CAB39L: variants seen among roughly 807,000 people sequenced by gnomAD.
CAB39L encodes calcium binding protein 39 like.
In CAB39L, 23 loss-of-function variants were observed where a neutral mutation model predicts 39.1. The ratio of observed to expected loss-of-function variants is 0.59; its 90% CI spans 0.42 to 0.83. The LOEUF is 0.83. Among genes scored for constraint, CAB39L ranks in the 40% least tolerant of loss-of-function variants. The probability of loss-of-function intolerance (pLI) is 0.00; values close to 1 mark genes in which losing one functional copy is unlikely to be tolerated. For missense variants in CAB39L, 366 were observed against 391.9 expected (o/e 0.93, Z 0.56); for synonymous variants, 126 against 137.2 (o/e 0.92, Z 0.57).
intron 6 of CAB39L, among the ~76,000 whole-genome samples, chr13:49,355,381 C>A (rs897009957): frequency 2.6e-5 from 4 of 151,812 alleles, no homozygotes; most frequent in Admixed American, 2.6e-4. Flanking sequence ...GACCCTGTCT[C>A]GATAAATAAA....
rs1172454397 is a variant in CAB39L, at chr13:49,379,707, A to T, written c.112-2576T>A. 6.1e-4 allele frequency among the ~76,000 whole-genome samples: 19 copies of T among 30,926 alleles called. 6 individuals are homozygous for T. Among genetic ancestry groups the T allele is most frequent in the South Asian group, 2.9e-3 (3 of 1,034 alleles). 20.3% of individuals were successfully genotyped at this position (30,926 alleles called of 152,430 possible). ...GAATTATCAATAAAAAAATAAATTT[A>T]AAAAAAAAAAAAAACAAAAAAACAA... On this transcript the variant is annotated intron_variant, in intron 4 of 10. Transcript: ENST00000409308.
Position 49,382,808 on chromosome 13 carries a change from T to C in CAB39L, c.103A>G (p.Thr35Ala). ...ACTGTTTTAGCTCTTACCTTGTCTGTCTTTTTGTCTTGCTTTTCCAAAATG... is the reference window on the plus strand; with the variant it reads ...ACTGTTTTAGCTCTTACCTTGTCTGCCTTTTTGTCTTGCTTTTCCAAAATG... ...LAILEKQDKK[T>A]DKASEEVSKS... Residue 35 changes from threonine (T) to alanine (A), a missense_variant, in exon 4 of 11, where the codon ACA (threonine) becomes GCA (alanine). Transcript: ENST00000409308. 3.1e-6 allele frequency: 5 copies of C among 1,596,604 alleles called. No homozygotes were observed. In the South Asian group the frequency reaches 4.4e-5, roughly 14 times the overall value.
intron 5 of CAB39L, among the ~76,000 whole-genome samples, chr13:49,361,542 AAG>A (rs1162336030): frequency 2.3e-5 from 3 of 128,398 alleles, no homozygotes; most frequent in Admixed American, 8.7e-5. Context: ...GACAGAAAAA[AAG>A]AGAGAGAAAG....
chr13:49,360,055 G>C (rs1169234313), intron 5 of CAB39L, among the ~76,000 whole-genome samples: 6 of 152,082 alleles, frequency 3.9e-5, no homozygotes, highest in African/African-American at 1.4e-4. Context: ...ATGTGTGCTG[G>C]GGGAAATTTG....
intron 1 of CAB39L, among the ~76,000 whole-genome samples, chr13:49,437,093 A>ATT (rs1415519374): frequency 6.6e-6 from 1 of 152,008 alleles, no homozygotes; most frequent in Admixed American, 6.6e-5. Flanking sequence ...TTTGACTATC[A>ATT]TTTTGTTTTC....
rs1446882398 is a variant in CAB39L, at chr13:49,377,988, A to G, written c.112-857T>C. Among the ~76,000 whole-genome samples, 3 of 75,748 alleles carry G rather than the reference A, an allele frequency of 4.0e-5. No individual in the cohort carries two copies. In the East Asian group the frequency reaches 7.0e-4, roughly 18 times the overall value. 49.7% of individuals were successfully genotyped at this position (75,748 alleles called of 152,430 possible). ...GCCGCCCATCGTCTGAGATGTGGGG[A>G]GCGCTTCTGCCCCGCCGCCCCATCT... On this transcript the variant is annotated intron_variant, in intron 4 of 10. Transcript: ENST00000409308.
At chr13:49,406,573 T>A (rs560058176) in intron 3 of CAB39L, among the ~76,000 whole-genome samples, 40 of 152,052 alleles carry the variant, frequency 2.6e-4, no homozygotes, top group African/African-American at 9.4e-4. Context: ...CATGCCTATA[T>A]CAAAATATCT....
At chr13:49,375,651 TC>T (rs1333024099) in intron 5 of CAB39L, among the ~76,000 whole-genome samples, 1 of 151,006 alleles carries the variant, frequency 6.6e-6, no homozygotes, top group African/African-American at 2.4e-5. Context: ...TGTTGTGGGG[TC>T]GGGGGAGCGG....
chr13:49,313,074 T>C (rs562481841), intron 10 of CAB39L, among the ~76,000 whole-genome samples: 2 of 152,308 alleles, frequency 1.3e-5, no homozygotes, highest in East Asian at 3.9e-4. Flanking sequence ...GAACACATAA[T>C]ATCATCACCT....
At chr13:49,338,308 A>G (rs2138417582) in intron 9 of CAB39L, among the ~76,000 whole-genome samples, 1 of 152,050 alleles carries the variant, frequency 6.6e-6, no homozygotes, top group Admixed American at 6.5e-5. Context: ...ACACCATGGA[A>G]TACTATGCAG....
chr13:49,433,396 G>T lies in CAB39L; in HGVS notation c.-107-3C>A, dbSNP rs961069595. 4.4e-6 allele frequency: 2 copies of T among 450,218 alleles called. No homozygotes were observed. Among genetic ancestry groups the T allele is most frequent in the South Asian group, 1.6e-5 (1 of 62,622 alleles). The allele number at this position is 450,218 out of a possible 1,614,324, so 27.9% of individuals were successfully genotyped here. On this transcript the variant is annotated splice_region_variant and splice_polypyrimidine_tract_variant and intron_variant, in intron 2 of 10. Coordinates refer to ENST00000409308, the MANE Select transcript of CAB39L (RefSeq NM_001079670.3). ...AAAGTCACTGATCACCACAGCTTCT[G>T]ACAAAAAGAAAAGCTTTAAAATTAA...
chr13:49,314,136 C>T (rs1954084512), intron 10 of CAB39L, among the ~76,000 whole-genome samples: 1 of 152,090 alleles, frequency 6.6e-6, no homozygotes, highest in African/African-American at 2.4e-5. Flanking sequence ...TGTCCCACTG[C>T]AGGCTCTGAG....
At chr13:49,315,895 AAAAAG>A (rs1386538478) in intron 10 of CAB39L, among the ~76,000 whole-genome samples, 7 of 151,386 alleles carry the variant, frequency 4.6e-5, no homozygotes, top group Non-Finnish European at 5.9e-5. Context: ...AAAAAAAAAA[AAAAAG>A]AAAAGAAAAG....
chr13:49,380,658 A>G (rs1956235016), intron 4 of CAB39L, among the ~76,000 whole-genome samples: 1 of 152,174 alleles, frequency 6.6e-6, no homozygotes, highest in Admixed American at 6.5e-5. Context: ...ATGGTATGTT[A>G]ATTTTTAATA....
At chr13:49,361,161 G>A (rs908222463) in intron 5 of CAB39L, among the ~76,000 whole-genome samples, 4 of 151,948 alleles carry the variant, frequency 2.6e-5, no homozygotes, top group African/African-American at 7.3e-5. Flanking sequence ...ACACTTCAAC[G>A]TCTCCCTTTT....
intron 3 of CAB39L, among the ~76,000 whole-genome samples, chr13:49,406,169 C>CTT (rs1215587782): frequency 2.2e-5 from 3 of 134,432 alleles, no homozygotes; most frequent in Admixed American, 7.4e-5. Flanking sequence ...TTGGAATGCT[C>CTT]TTTTTTTTTT....
chr13:49,313,808 G>A (rs1352374427), intron 10 of CAB39L, among the ~76,000 whole-genome samples: 1 of 152,158 alleles, frequency 6.6e-6, no homozygotes, highest in Admixed American at 6.5e-5. Context: ...TCCCATAGCT[G>A]TGCAGTGCCC....
chr13:49,363,642 C>T (rs1955691080), intron 5 of CAB39L, among the ~76,000 whole-genome samples: 1 of 151,334 alleles, frequency 6.6e-6, no homozygotes, highest in Non-Finnish European at 1.5e-5. Flanking sequence ...CAGGAGTAAG[C>T]CCCCACTTGT....
intron 10 of CAB39L, among the ~76,000 whole-genome samples, chr13:49,317,605 C>T (rs1217375387): frequency 3.3e-5 from 5 of 152,042 alleles, no homozygotes; most frequent in African/African-American, 1.2e-4. Flanking sequence ...GAAGCTGAGC[C>T]CTTATCTTAC....
Sources: gnomAD v4.1 joint callset for allele counts (sites outside exome capture counted in the v4.1 genomes callset) on GRCh38, gnomAD v4.1.1 for gene constraint, MANE v1.5 for transcripts, NCBI Gene and HGNC (gene_info 2026-07-23, HGNC 2026-07-21) for gene names.